The following STAMBP variants were observed in gnomAD, a reference collection of about 807,000 sequenced individuals.
The protein encoded by STAMBP is STAM-binding protein.
Under a neutral mutation model 50.7 loss-of-function variants are expected in STAMBP, and 31 were observed. That is an observed-to-expected ratio of 0.61 (90% CI 0.46 to 0.83). The LOEUF (loss-of-function observed/expected upper bound fraction) is 0.83. Among genes scored for constraint, STAMBP ranks in the 40% least tolerant of loss-of-function variants. STAMBP has a pLI of 0.00. For missense variants in STAMBP, 472 were observed against 518.9 expected (o/e 0.91, Z 0.88); for synonymous variants, 211 against 192.4 (o/e 1.10, Z -0.80).
At chr2:73,835,036 T>C (rs1674543783) in intron 2 of STAMBP, among the ~76,000 whole-genome samples, 2 of 152,150 alleles carry the variant, frequency 1.3e-5, no homozygotes, top group South Asian at 4.1e-4. Flanking sequence ...TTGAAAAGTT[T>C]TAAGTGGGAT....
At chr2:73,831,106 C>G in intron 2 of STAMBP, 47 bp downstream of exon 2, 1 of 1,524,352 alleles carries the variant, frequency 6.6e-7, no homozygotes, top group East Asian at 2.3e-5. Flanking sequence ...ACTGGTGCCT[C>G]GCCTATTTGG....
chr2:73,838,053 G>C (rs1459960252), intron 2 of STAMBP, among the ~76,000 whole-genome samples: 1 of 152,202 alleles, frequency 6.6e-6, no homozygotes, highest in Admixed American at 6.5e-5. Context: ...GATGTCATGG[G>C]TGATCTTCAT....
chr2:73,832,082 AACATATATATATATATATATATATATAC>A (rs1673997489), intron 2 of STAMBP, among the ~76,000 whole-genome samples: 1 of 85,846 alleles, frequency 1.2e-5, no homozygotes, highest in African/African-American at 5.9e-5. Flanking sequence ...TTGAGTAGGT[AACATATATATATATATATATATATATAC>A]ACATATATAT....
At chr2:73,854,129 A>G (rs1377370598) in intron 7 of STAMBP, among the ~76,000 whole-genome samples, 1 of 152,234 alleles carries the variant, frequency 6.6e-6, no homozygotes. Flanking sequence ...ACATAGAGGG[A>G]TTCATCTTCA....
chr2:73,837,120 G>A (rs1674804450), intron 2 of STAMBP, among the ~76,000 whole-genome samples: 1 of 152,160 alleles, frequency 6.6e-6, no homozygotes, highest in Non-Finnish European at 1.5e-5. Context: ...AGGCCTCAAA[G>A]TACAGTAGTA....
chr2:73,841,354 C>T (rs914381172), intron 2 of STAMBP, among the ~76,000 whole-genome samples: 1 of 152,136 alleles, frequency 6.6e-6, no homozygotes, highest in Non-Finnish European at 1.5e-5. Context: ...CTTATTCTTG[C>T]TCACATTTTT....
In STAMBP at chr2:73,866,002, T is replaced by C. The variant is rs1479288232; in HGVS notation, c.*3743T>C. 2.0e-5 allele frequency: 3 copies of C among 152,232 alleles called. No individual in the cohort carries two copies. Among genetic ancestry groups the C allele is most frequent in the Admixed American group, 1.3e-4 (2 of 15,288 alleles). The allele number at this position is 152,232 out of a possible 1,614,324, so 9.4% of individuals were successfully genotyped here. A position where few individuals can be genotyped will look rare whatever the true frequency, so the allele number is the denominator to read the frequency against. ...ACCTAAAGAAATTACATCATCTCTA[T>C]TTTCCCTTGGCTCCAGCCCACTCTT... is the stretch of plus-strand genomic sequence containing the variant. On this transcript the variant is annotated 3_prime_UTR_variant, in exon 10 of 10. Coordinates refer to ENST00000394070, the MANE Select transcript of STAMBP (RefSeq NM_213622.4).
chr2:73,849,869 C>T (rs1405192124), intron 6 of STAMBP, among the ~76,000 whole-genome samples: 2 of 152,092 alleles, frequency 1.3e-5, no homozygotes, highest in Admixed American at 6.5e-5. Flanking sequence ...TAAAGTCTAA[C>T]CAGCATGCTG....
At chr2:73,867,262 A>C (rs1272546344), downstream of STAMBP, 1 of 152,248 alleles carries the variant, frequency 6.6e-6, no homozygotes, top group Non-Finnish European at 1.5e-5. Context: ...TTAAAAATTA[A>C]CAATCAGCCG....
intron 8 of STAMBP, among the ~76,000 whole-genome samples, chr2:73,859,826 C>G (rs545949020): frequency 1.3e-5 from 2 of 152,228 alleles, no homozygotes; most frequent in African/African-American, 4.8e-5. Context: ...TGATTATTTA[C>G]TATGAATTCT....
intron 2 of STAMBP, chr2:73,844,558 A>AT: frequency 7.6e-6 from 2 of 262,112 alleles, no homozygotes; most frequent in Non-Finnish European, 1.4e-5. Flanking sequence ...GCTTTTTAAA[A>AT]TTTTTTTGGC....
chr2:73,836,249 C>A (rs536591030), intron 2 of STAMBP, among the ~76,000 whole-genome samples: 1 of 152,362 alleles, frequency 6.6e-6, no homozygotes, highest in Non-Finnish European at 1.5e-5. Flanking sequence ...TTGTGAGCAG[C>A]CAAGGGCTGG....
At chr2:73,867,525 C>T (rs1292238804), downstream of STAMBP, among the ~76,000 whole-genome samples, 4 of 151,850 alleles carry the variant, frequency 2.6e-5, no homozygotes, top group Non-Finnish European at 5.9e-5. Context: ...GCCTGGGCAA[C>T]GAGCGAAACT....
At chr2:73,856,979 A>C (rs1677630822) in intron 7 of STAMBP, among the ~76,000 whole-genome samples, 1 of 152,202 alleles carries the variant, frequency 6.6e-6, no homozygotes, top group Non-Finnish European at 1.5e-5. Context: ...ACCCCAGGGA[A>C]GCCTTTTCTT....
rs1675842519 is a variant in STAMBP, at chr2:73,844,697, G to A, written c.204-116G>A. On this transcript the variant is annotated intron_variant, in intron 2 of 9. Transcript: ENST00000394070. ...AGCTGGGTGTATTAGCTCTCCCTCC[G>A]CTGCACTTCTGGAACCTTTCATATA... 10 of 767,206 alleles carry A rather than the reference G, an allele frequency of 1.3e-5. No individual in the cohort carries two copies. The Admixed American group carries it at 1.4e-4, about 11-fold the overall frequency. The allele number at this position is 767,206 out of a possible 1,614,324, so 47.5% of individuals were successfully genotyped here.
chr2:73,852,256 G>C (rs1309089031), intron 7 of STAMBP, among the ~76,000 whole-genome samples: 14 of 152,114 alleles, frequency 9.2e-5, no homozygotes, highest in Admixed American at 9.2e-4. Flanking sequence ...AGAGGATGAT[G>C]ACTCAGAGTC....
chr2:73,840,911 C>G (rs1361765775), intron 2 of STAMBP, among the ~76,000 whole-genome samples: 1 of 152,110 alleles, frequency 6.6e-6, no homozygotes, highest in Admixed American at 6.5e-5. Context: ...TCCCATTTCT[C>G]TATACCAGGT....
intron 9 of STAMBP, 63 bp from the exon 10 acceptor site, chr2:73,862,140 A>AAG: frequency 3.3e-6 from 1 of 302,756 alleles, no homozygotes. Context: ...CTATATGAAG[A>AAG]AAAAAAAAAA....
At chr2:73,854,873 C>T (rs1413118610) in intron 7 of STAMBP, among the ~76,000 whole-genome samples, 1 of 152,020 alleles carries the variant, frequency 6.6e-6, no homozygotes, top group African/African-American at 2.4e-5. Context: ...CCTGTGGTCC[C>T]AGCTACTTGG....
Sources: allele counts gnomAD v4.1 joint callset (sites outside exome capture counted in the v4.1 genomes callset), GRCh38; gene constraint gnomAD v4.1.1; transcripts MANE v1.5; gene names NCBI Gene and HGNC (gene_info 2026-07-23, HGNC 2026-07-21).